The following EIF4A2 variants were observed in gnomAD, a reference collection of about 807,000 sequenced individuals.
EIF4A2 encodes eukaryotic initiation factor 4A-II.
Under a neutral mutation model 50.6 loss-of-function variants are expected in EIF4A2, and 9 were observed. The observed-to-expected ratio is 0.18, with a 90% confidence interval of 0.11 to 0.31. EIF4A2 has a LOEUF of 0.31. EIF4A2 is among the 10% of genes least tolerant of loss of function. EIF4A2 has a pLI of 1.00. For synonymous variants in EIF4A2, 215 were observed against 164.4 expected (o/e 1.31, Z -2.35); for missense variants, 182 against 501.8 (o/e 0.36, Z 6.09).
rs531893016 is a variant in EIF4A2, at chr3:186,789,540, C to G, written c.*271C>G. Reference sequence around the variant, plus strand: ...TTTCTTAGAAATTTATTTCCTAGTTCTGTAGAAATGGTTGTATTAGATGTT... The same window carrying G: ...TTTCTTAGAAATTTATTTCCTAGTTGTGTAGAAATGGTTGTATTAGATGTT... On this transcript the variant is annotated 3_prime_UTR_variant, in exon 11 of 11. Coordinates refer to ENST00000323963, the MANE Select transcript of EIF4A2 (RefSeq NM_001967.4). 1 of 370,062 alleles carries G rather than the reference C, an allele frequency of 2.7e-6. No homozygotes were observed. The highest frequency in any genetic ancestry group is 4.8e-6 in the Non-Finnish European group (1 of 207,124). The allele number at this position is 370,062 out of a possible 1,614,324, so 22.9% of individuals were successfully genotyped here.
Position 186,789,867 on chromosome 3 carries a change from A to G in EIF4A2, c.*598A>G. The G allele has an allele frequency of 1.3e-6, 1 of 768,080 alleles. No individual in the cohort carries two copies. The highest frequency in any genetic ancestry group is 2.1e-6 in the Non-Finnish European group (1 of 472,206). 47.6% of individuals were successfully genotyped at this position (768,080 alleles called of 1,614,324 possible). A position where few individuals can be genotyped will look rare whatever the true frequency, so the allele number is the denominator to read the frequency against. Reference sequence around the variant, plus strand: ...ATTGCACATGTCTTAATGAAGTTTGAATGTTAAATAAATTGTATATTCACT... The same window carrying G: ...ATTGCACATGTCTTAATGAAGTTTGGATGTTAAATAAATTGTATATTCACT... On this transcript the variant is annotated 3_prime_UTR_variant, in exon 11 of 11. Transcript: ENST00000323963.
intron 1 of EIF4A2, chr3:186,784,144 C>G: frequency 3.8e-6 from 2 of 528,972 alleles, no homozygotes; most frequent in East Asian, 3.3e-5. Flanking sequence ...GTCAATCACC[C>G]GGCTTGCGCA....
intron 10 of EIF4A2, 104 bp downstream of exon 10, chr3:186,787,986 C>T (rs1721853323): frequency 8.7e-7 from 1 of 1,153,724 alleles, no homozygotes; most frequent in Admixed American, 2.3e-5. Context: ...TCAGTAAAGT[C>T]AGTAGTGTTC....
At position 186,789,715 on chromosome 3, in the gene EIF4A2, A is replaced by G. The variant is rs2108464603; in HGVS notation, c.*446A>G. The stretch of plus-strand genomic sequence containing the variant: ...TAAAATTTTTTTAGAAAGCATTTGA[A>G]TGCATTTTGTTTGGTATTGTATTTA... On this transcript the variant is annotated 3_prime_UTR_variant, in exon 11 of 11. Transcript: ENST00000323963. 1 of 395,606 alleles carries G rather than the reference A, an allele frequency of 2.5e-6. No individual in the cohort carries two copies. Among genetic ancestry groups the G allele is most frequent in the African/African-American group, 2.1e-5 (1 of 48,348 alleles). The allele number at this position is 395,606 out of a possible 1,614,324, so 24.5% of individuals were successfully genotyped here. A position where few individuals can be genotyped will look rare whatever the true frequency, so the allele number is the denominator to read the frequency against.
At chr3:186,784,320 A>G in intron 1 of EIF4A2, 112 bp from the exon 2 acceptor site, 1 of 1,492,806 alleles carries the variant, frequency 6.7e-7, no homozygotes, top group East Asian at 2.3e-5. Flanking sequence ...CTGCTGCTTT[A>G]GCTTGTGCAG....
intron 4 of EIF4A2, 137 bp downstream of exon 4, chr3:186,785,238 T>G (rs1721620877): frequency 5.3e-6 from 7 of 1,328,960 alleles, no homozygotes; most frequent in Admixed American, 2.4e-5. Flanking sequence ...TGCAGGGAGT[T>G]TTTGTTGAAA....
intron 10 of EIF4A2, 152 bp downstream of exon 10, chr3:186,788,034 TGATGAGAACAAAGTGG>T: frequency 1.1e-6 from 1 of 875,936 alleles, no homozygotes; most frequent in Non-Finnish European, 1.7e-6. Context: ...TAGGGAAGGT[TGATGAGAACAAAGTGG>T]GAAAACTTGT....
chr3:186,784,605 T>C lies in EIF4A2; in HGVS notation c.117T>C (p.Asn39=). ...NEIVDNFDDM[N]LKESLLRGIY... ...TTGTTGATAACTTTGATGATATGAA[T>C]TTAAAGGAGTCTCTCCTTCGTGGCA... Residue 39 remains asparagine (N), a synonymous_variant, in exon 3 of 11, where the codon AAT becomes AAC. Coordinates refer to ENST00000323963, the MANE Select transcript of EIF4A2 (RefSeq NM_001967.4). 3 of 1,614,250 alleles carry C rather than the reference T, an allele frequency of 1.9e-6. No individual in the cohort carries two copies. The highest frequency in any genetic ancestry group is 2.5e-6 in the Non-Finnish European group (3 of 1,180,038).
chr3:186,788,032 G>A (rs1352293136), intron 10 of EIF4A2, 150 bp downstream of exon 10: 2 of 888,304 alleles, frequency 2.3e-6, no homozygotes, highest in Non-Finnish European at 3.4e-6. Flanking sequence ...ACTAGGGAAG[G>A]TTGATGAGAA....
chr3:186,786,680 C>T (rs202149708), intron 7 of EIF4A2, 35 bp downstream of exon 7: 2 of 1,611,816 alleles, frequency 1.2e-6, no homozygotes, highest in Non-Finnish European at 1.7e-6. Flanking sequence ...ATTTTACCTT[C>T]TTGTATAAGC....
chr3:186,787,527 T>C lies in EIF4A2; in HGVS notation c.942T>C (p.Val314=), dbSNP rs770292379. The change falls in exon 9 of 11, where the codon GTT becomes GTC. Residue 314 remains valine, a synonymous_variant. Transcript: ENST00000323963. Reference sequence around the variant, plus strand: ...ACATGGACCAGAAGGAGAGAGATGTTATCATGAGGGAATTCCGGTCAGGGT... The same window carrying C: ...ACATGGACCAGAAGGAGAGAGATGTCATCATGAGGGAATTCCGGTCAGGGT... The part of the protein sequence containing the change: ...HGDMDQKERD[V]IMREFRSGSS... 5 of 1,613,516 alleles carry C rather than the reference T, an allele frequency of 3.1e-6. No homozygotes were observed. In the Admixed American group the frequency reaches 6.7e-5, roughly 22 times the overall value.
At chr3:186,787,733 A>G (rs1721826296) in intron 9 of EIF4A2, 70 bp from the exon 10 acceptor site, 2 of 1,603,078 alleles carry the variant, frequency 1.2e-6, no homozygotes, top group African/African-American at 1.3e-5. Flanking sequence ...GTTCGCTACT[A>G]TTTTGTGGCC....
At chr3:186,786,728 G>T (rs1387332524) in intron 7 of EIF4A2, 83 bp downstream of exon 7, 2 of 1,582,210 alleles carry the variant, frequency 1.3e-6, no homozygotes, top group Non-Finnish European at 1.7e-6. Context: ...CCATGTCTTG[G>T]TTTTTGCAAT....
intron 1 of EIF4A2, chr3:186,784,055 G>T: frequency 2.4e-6 from 1 of 425,342 alleles, no homozygotes; most frequent in Non-Finnish European, 4.3e-6. Flanking sequence ...GTCTCCACTC[G>T]GCCACGGCGC....
intron 9 of EIF4A2, 67 bp downstream of exon 9, chr3:186,787,651 A>ATACTT (rs1287923478): frequency 3.1e-6 from 5 of 1,603,210 alleles, no homozygotes; most frequent in Non-Finnish European, 3.4e-6. Flanking sequence ...GTTTTTAAGT[A>ATACTT]ACCTTTGCCA....
chr3:186,787,515 GGA>G lies in EIF4A2; in HGVS notation c.937_938del (p.Asp313CysfsTer18). ...TGCAGCATGGTGACATGGACCAGAAGGAGAGAGATGTTATCATGAGGGAATTC... is the reference window on the plus strand; with the variant it reads ...TGCAGCATGGTGACATGGACCAGAAGGAGAGATGTTATCATGAGGGAATTC... ...SALHGDMDQK[E>X]RDVIMREFRS... On this transcript the variant is annotated frameshift_variant, in exon 9 of 11. Coordinates refer to ENST00000323963, the MANE Select transcript of EIF4A2 (RefSeq NM_001967.4). LOFTEE classifies it high-confidence loss of function. 1 of 1,613,340 alleles carries G rather than the reference GGA, an allele frequency of 6.2e-7. No homozygotes were observed. Among genetic ancestry groups the G allele is most frequent in the Non-Finnish European group, 8.5e-7 (1 of 1,179,446 alleles).
chr3:186,787,469 T>G (rs758442730), intron 8 of EIF4A2, 26 bp from the exon 9 acceptor site: 32 of 1,611,994 alleles, frequency 2.0e-5, no homozygotes, highest in Non-Finnish European at 2.6e-5. Flanking sequence ...CTGGTGATTC[T>G]TGAATTAAGG....
At position 186,789,245 on chromosome 3, in the gene EIF4A2, C is replaced by A. The variant is rs2108464112; in HGVS notation, c.1200C>A (p.Pro400=). 3.1e-6 allele frequency: 5 copies of A among 1,610,504 alleles called. No homozygotes were observed. The highest frequency in any genetic ancestry group is 1.1e-5 in the South Asian group (1 of 90,722). The change falls in exon 11 of 11, where the codon CCC becomes CCA. Residue 400 remains proline, a synonymous_variant. Transcript: ENST00000323963. ...ACAATACTACAGTGGAGGAGATGCC[C>A]ATGAATGTGGCTGACCTTATTTAAT... is the stretch of plus-strand genomic sequence containing the variant. ...TFYNTTVEEM[P]MNVADLI is the part of the protein sequence containing the mutation.
chr3:186,784,385 T>C (rs1181404478), intron 1 of EIF4A2, 47 bp from the exon 2 acceptor site: 1 of 1,613,898 alleles, frequency 6.2e-7, no homozygotes, highest in Admixed American at 1.7e-5. Context: ...AAGGTGCAGT[T>C]GAGGTGGCCT....
Sources: allele counts gnomAD v4.1 joint callset, GRCh38; gene constraint gnomAD v4.1.1; transcripts MANE v1.5; gene names NCBI Gene and HGNC (gene_info 2026-07-23, HGNC 2026-07-21).